The following SERPINA10 variants were observed in gnomAD, a reference collection of about 807,000 sequenced individuals.
SERPINA10 encodes protein Z-dependent protease inhibitor.
SERPINA10 carries 24 observed loss-of-function variants against 28.0 expected under a neutral mutation model. The ratio of observed to expected loss-of-function variants is 0.86; its 90% confidence interval spans 0.62 to 1.20. The LOEUF is 1.20. Among genes scored for constraint, SERPINA10 ranks in the 50% most tolerant of loss-of-function variants. The pLI, the probability that SERPINA10 is intolerant of heterozygous loss-of-function variation, is 0.00. For missense variants in SERPINA10, 521 were observed against 537.7 expected, an observed-to-expected ratio of 0.97 and a Z score of 0.31; for synonymous variants, 207 against 203.9, an observed-to-expected ratio of 1.02 and a Z score of -0.13.
chr14:94,289,386 A>G (rs895263291), intron 2 of SERPINA10, among the ~76,000 whole-genome samples: 15 of 152,248 alleles, frequency 9.9e-5, no homozygotes, highest in Admixed American at 1.3e-4. Context: ...GGCAGTTTGG[A>G]AGAACAAGTA....
At chr14:94,287,365 G>A (rs554888072) in intron 3 of SERPINA10, among the ~76,000 whole-genome samples, 21 of 152,174 alleles carry the variant, frequency 1.4e-4, no homozygotes, top group African/African-American at 4.8e-4. Context: ...CAAAAACTTT[G>A]TGATCACCTT....
At chr14:94,287,160 G>A (rs1354502923) in intron 3 of SERPINA10, among the ~76,000 whole-genome samples, 2 of 152,092 alleles carry the variant, frequency 1.3e-5, no homozygotes, top group Non-Finnish European at 2.9e-5. Context: ...CTAGTTCTGT[G>A]TTGATGACCG....
chr14:94,289,133 T>G (rs1000918236), intron 2 of SERPINA10, among the ~76,000 whole-genome samples: 1 of 152,200 alleles, frequency 6.6e-6, no homozygotes, highest in African/African-American at 2.4e-5. Flanking sequence ...GCCTGGCTGG[T>G]TGTAAAGTGG....
At chr14:94,286,623 G>A (rs1013791434) in intron 3 of SERPINA10, among the ~76,000 whole-genome samples, 4 of 152,212 alleles carry the variant, frequency 2.6e-5, no homozygotes, top group Non-Finnish European at 4.4e-5. Flanking sequence ...CAGACCCGAG[G>A]AGTCTGGGGA....
At chr14:94,284,990 C>T (rs1002067833) in intron 4 of SERPINA10, among the ~76,000 whole-genome samples, 15 of 152,076 alleles carry the variant, frequency 9.9e-5, no homozygotes, top group African/African-American at 1.9e-4. Flanking sequence ...GCTGGTCTGA[C>T]GGATTGTTTT....
rs55893402 is a variant in SERPINA10 at position 94,292,756 on chromosome 14, C to A, written c.-51+433G>T. The stretch of plus-strand genomic sequence containing the variant: ...GTCTAGGCCAGGAGCTCAGGGGGTG[C>A]TCCTGGACTAGGACACCATCCAGCA... On this transcript the variant is annotated intron_variant, in intron 1 of 4. Coordinates refer to ENST00000261994, the MANE Select transcript of SERPINA10 (RefSeq NM_001100607.3). 2.9e-3 allele frequency: 2,014 copies of A among 695,482 alleles called. 32 individuals carry two copies. In the African/African-American group the frequency reaches 0.031, roughly 11 times the overall value. The allele number at this position is 695,482 out of a possible 1,614,324, so 43.1% of individuals were successfully genotyped here.
At chr14:94,292,870 C>G (rs1895213736) in intron 1 of SERPINA10, 2 of 555,970 alleles carry the variant, frequency 3.6e-6, no homozygotes, top group African/African-American at 1.9e-5. Flanking sequence ...CAGCACACAT[C>G]CCTGCCTCCC....
chr14:94,293,169 T>G lies in SERPINA10; in HGVS notation c.-51+20A>C, dbSNP rs1595568227. ...CTGATTAGACTCATTGAAGGTCTCCTGTAACCCACTGCCTCTTACCAGTGT... is the reference window on the plus strand; with the variant it reads ...CTGATTAGACTCATTGAAGGTCTCCGGTAACCCACTGCCTCTTACCAGTGT... On this transcript the variant is annotated intron_variant, in intron 1 of 4. Coordinates refer to ENST00000261994, the MANE Select transcript of SERPINA10 (RefSeq NM_001100607.3). 1 of 158,550 alleles carries G rather than the reference T, an allele frequency of 6.3e-6. No individual in the cohort carries two copies. The highest frequency in any genetic ancestry group is 2.4e-5 in the African/African-American group (1 of 41,702). 9.8% of individuals were successfully genotyped at this position (158,550 alleles called of 1,614,324 possible).
chr14:94,281,791 C>A lies in SERPINA10; in HGVS notation c.*2174G>T, dbSNP rs542610430. The A allele has an allele frequency of 6.6e-6, 1 of 152,272 alleles. No individual in the cohort carries two copies. Among genetic ancestry groups the A allele is most frequent in the South Asian group, 2.1e-4 (1 of 4,820 alleles). The allele number at this position is 152,272 out of a possible 1,614,324, so 9.4% of individuals were successfully genotyped here. A position where few individuals can be genotyped will look rare whatever the true frequency, so the allele number is the denominator to read the frequency against. On this transcript the variant is annotated 3_prime_UTR_variant, in exon 5 of 5. Transcript: ENST00000261994. ...GAAGAAGGCAGGAGTTTTTTATCTG[C>A]ATGCTATATGAATCCTTCAATAATA... is the stretch of plus-strand genomic sequence containing the variant.
chr14:94,291,259 G>A (rs1208371346), intron 1 of SERPINA10, among the ~76,000 whole-genome samples: 1 of 152,106 alleles, frequency 6.6e-6, no homozygotes, highest in Non-Finnish European at 1.5e-5. Flanking sequence ...CAGCTCCCGG[G>A]TAGCAGGAGG....
Position 94,290,658 on chromosome 14 carries a change from G to T in SERPINA10, c.-50-15C>A. The T allele has an allele frequency of 6.3e-7, 1 of 1,594,530 alleles. No homozygotes were observed. On this transcript the variant is annotated splice_polypyrimidine_tract_variant and intron_variant, in intron 1 of 4. Coordinates refer to ENST00000261994, the MANE Select transcript of SERPINA10 (RefSeq NM_001100607.3). Reference sequence around the variant, plus strand: ...TGCAAGACTTCCTGTGGAGAGGAGAGGATAGAGATGGTTTTAATGCCTCCT... The same window carrying T: ...TGCAAGACTTCCTGTGGAGAGGAGATGATAGAGATGGTTTTAATGCCTCCT...
At position 94,290,143 on chromosome 14, in the gene SERPINA10, T is replaced by G. The variant is rs753840117; in HGVS notation, c.451A>C (p.Thr151Pro). 6.2e-7 allele frequency: 1 copy of G among 1,613,762 alleles called. No homozygotes were observed. Among genetic ancestry groups the G allele is most frequent in the African/African-American group, 1.3e-5 (1 of 74,784 alleles). Residue 151 changes from threonine to proline, a missense_variant, in exon 2 of 5, where the codon ACC becomes CCC. Physicochemically the swap from Thr to Pro is conservative, Grantham distance 38 (BLOSUM62 -1). Transcript: ENST00000261994. ...CCCAGTTCCAGGTTGCGGGAGAGGG[T>G]CTCTCTGAGTCCCTTAAAGAGGGAA... ...LPSLFKGLRE[T>P]LSRNLELGLT...
chr14:94,285,574 T>C (rs28534502), intron 4 of SERPINA10, among the ~76,000 whole-genome samples: 19,261 of 143,888 alleles, frequency 0.13, 1,577 homozygotes, highest in African/African-American at 0.24. Context: ...TACATATATA[T>C]ACACACATAT....
chr14:94,284,288 A>G (rs1431827729), intron 4 of SERPINA10, 132 bp from the exon 5 acceptor site: 3 of 819,758 alleles, frequency 3.7e-6, no homozygotes, highest in Non-Finnish European at 4.0e-6. Flanking sequence ...GAGCAGGCCC[A>G]TCTACGTTAA....
At chr14:94,285,323 C>T (rs1429517010) in intron 4 of SERPINA10, among the ~76,000 whole-genome samples, 1 of 152,038 alleles carries the variant, frequency 6.6e-6, no homozygotes, top group African/African-American at 2.4e-5. Context: ...ACCAAGAACC[C>T]TTCCACTGAG....
In SERPINA10 at chr14:94,281,053, T is replaced by C. The variant is rs1180624491; in HGVS notation, c.*2912A>G. The C allele has an allele frequency of 2.0e-5, 3 of 152,166 alleles. No homozygotes were observed. The highest frequency in any genetic ancestry group is 7.2e-5 in the African/African-American group (3 of 41,444). The allele number at this position is 152,166 out of a possible 1,614,324, so 9.4% of individuals were successfully genotyped here. On this transcript the variant is annotated 3_prime_UTR_variant, in exon 5 of 5. Transcript: ENST00000261994. ...GTTTTACAATGAAGATAGAATGAAT[T>C]AGATTAAGTCAGTAACCTGTTCTCA...
At chr14:94,292,158 T>C (rs1292270322) in intron 1 of SERPINA10, among the ~76,000 whole-genome samples, 1 of 152,184 alleles carries the variant, frequency 6.6e-6, no homozygotes, top group African/African-American at 2.4e-5. Context: ...CGAACCACCA[T>C]TGTGATGGCA....
chr14:94,288,103 G>C (rs1449556055), intron 3 of SERPINA10, among the ~76,000 whole-genome samples, 183 bp downstream of exon 3: 4 of 152,204 alleles, frequency 2.6e-5, no homozygotes, highest in African/African-American at 9.7e-5. Flanking sequence ...GAATGAATCA[G>C]CCAGGCACCC....
Position 94,286,226 on chromosome 14 carries a change from A to G in SERPINA10, c.1025T>C (p.Leu342Pro). The change falls in exon 4 of 5, where the codon CTA becomes CCA. Residue 342 changes from leucine (L) to proline (P), a missense_variant. Transcript: ENST00000261994. ...CTCATGCATCTCATACTTCTGATCT[A>G]GCTTGAACTTCGGAAAGAAAACTTC... Reference protein sequence around the residue: ...NMEVFFPKFKLDQKYEMHELL... With the variant: ...NMEVFFPKFKPDQKYEMHELL... 1 of 1,614,124 alleles carries G rather than the reference A, an allele frequency of 6.2e-7. No homozygotes were observed. Among genetic ancestry groups the G allele is most frequent in the South Asian group, 1.1e-5 (1 of 91,082 alleles).
Sources: gnomAD v4.1 joint callset for allele counts (sites outside exome capture counted in the v4.1 genomes callset) on GRCh38, gnomAD v4.1.1 for gene constraint, MANE v1.5 for transcripts, NCBI Gene and HGNC (gene_info 2026-07-23, HGNC 2026-07-21) for gene names.